Variants in ACBD6 observed in about 807,000 individuals in gnomAD.
ACBD6 encodes the protein acyl-CoA-binding domain-containing protein 6.
ACBD6 carries 28 observed loss-of-function variants against 37.2 expected under a neutral mutation model. The observed-to-expected ratio is 0.75, with a 90% confidence interval of 0.56 to 1.03. The LOEUF (loss-of-function observed/expected upper bound fraction) is 1.03. ACBD6 is among the 50% of genes least tolerant of loss of function. ACBD6 has a pLI of 0.00. For synonymous variants in ACBD6, 113 were observed against 126.8 expected (o/e 0.89, Z 0.73); for missense variants, 340 against 337.4 (o/e 1.01, Z -0.06).
chr1:180,432,229 C>A (rs1040698802), intron 3 of ACBD6, among the ~76,000 whole-genome samples: 1 of 151,706 alleles, frequency 6.6e-6, no homozygotes, highest in Non-Finnish European at 1.5e-5. Context: ...AATTTATAAT[C>A]CATGAGAGAA....
chr1:180,398,404 G>C (rs1228230912), intron 5 of ACBD6, among the ~76,000 whole-genome samples: 1 of 152,044 alleles, frequency 6.6e-6, no homozygotes, highest in Non-Finnish European at 1.5e-5. Context: ...ATTTCCTCGA[G>C]TTCATTCCTT....
exon 14 of ACBD6, chr1:180,270,149 G>GC (rs1648553057): frequency 6.6e-6 from 1 of 152,274 alleles, no homozygotes. Context: ...GAACACTGAA[G>GC]CCAGGTCTGC....
At chr1:180,332,618 T>C (rs1420661567) in intron 6 of ACBD6, among the ~76,000 whole-genome samples, 4 of 152,072 alleles carry the variant, frequency 2.6e-5, no homozygotes, top group Non-Finnish European at 5.9e-5. Flanking sequence ...CCATCACCCC[T>C]AGATGGGACC....
chr1:180,293,987 C>T (rs530363215), intron 7 of ACBD6, among the ~76,000 whole-genome samples: 38 of 152,124 alleles, frequency 2.5e-4, no homozygotes, highest in African/African-American at 8.9e-4. Context: ...CTCCGCCTCC[C>T]GGGTTCAAGT....
At chr1:180,397,455 T>G in intron 6 of ACBD6, 61 bp downstream of exon 6, 1 of 1,437,084 alleles carries the variant, frequency 7.0e-7, no homozygotes, top group Non-Finnish European at 9.8e-7. Flanking sequence ...TCTGGTAAAT[T>G]TTATGTTATG....
At chr1:180,280,313 T>C (rs1649269479) in intron 9 of ACBD6, among the ~76,000 whole-genome samples, 1 of 152,010 alleles carries the variant, frequency 6.6e-6, no homozygotes, top group Admixed American at 6.6e-5. Context: ...GTGTGGCATT[T>C]CCCTCTCCCC....
rs577669707 is a variant in ACBD6 at position 180,437,174 on chromosome 1, A to G, written c.385-6912T>C. Among the ~76,000 whole-genome samples, 5 of 152,294 alleles carry G rather than the reference A, an allele frequency of 3.3e-5. No individual in the cohort carries two copies. The South Asian group carries it at 6.2e-4, about 19-fold the overall frequency. ...ATCTGTATCCTTTGTAACATCCTTT[A>G]TAATAAACTGGCAAATGTGTTTCCC... is the stretch of plus-strand genomic sequence containing the variant. On this transcript the variant is annotated intron_variant, in intron 3 of 7. Transcript: ENST00000367595.
At chr1:180,271,685 C>T (rs541028230) in exon 14 of ACBD6, 7 of 1,312,926 alleles carry the variant, frequency 5.3e-6, no homozygotes, top group African/African-American at 1.5e-5. Flanking sequence ...CTGAGGCCCA[C>T]CTGGGGAGAG....
intron 4 of ACBD6, among the ~76,000 whole-genome samples, chr1:180,429,509 C>A (rs540202410): frequency 1.3e-5 from 2 of 152,294 alleles, no homozygotes; most frequent in East Asian, 3.9e-4. Flanking sequence ...CATCTGTCAA[C>A]AGATGCTTCC....
chr1:180,391,806 C>T (rs1654086604), intron 6 of ACBD6, among the ~76,000 whole-genome samples: 1 of 152,078 alleles, frequency 6.6e-6, no homozygotes, highest in African/African-American at 2.4e-5. Context: ...CCTAGGTATA[C>T]ACCTAAGAGG....
At chr1:180,437,748 G>A (rs1024419203) in intron 3 of ACBD6, among the ~76,000 whole-genome samples, 13 of 151,982 alleles carry the variant, frequency 8.6e-5, no homozygotes, top group African/African-American at 3.1e-4. Flanking sequence ...GGAGTATTAT[G>A]AAGAAAAAAA....
At chr1:180,493,337 G>A (rs1651599897) in intron 2 of ACBD6, among the ~76,000 whole-genome samples, 1 of 145,306 alleles carries the variant, frequency 6.9e-6, no homozygotes, top group Non-Finnish European at 1.5e-5. Flanking sequence ...CAATATAAAT[G>A]GCAAAAGCAA....
intron 6 of ACBD6, among the ~76,000 whole-genome samples, chr1:180,336,680 G>C (rs1049592653): frequency 5.3e-5 from 8 of 150,996 alleles, no homozygotes; most frequent in Admixed American, 3.3e-4. Flanking sequence ...AACTGAAGGA[G>C]ATAGAGACAC....
chr1:180,348,921 AT>A (rs1652294588), intron 6 of ACBD6, among the ~76,000 whole-genome samples: 1 of 152,120 alleles, frequency 6.6e-6, no homozygotes, highest in Admixed American at 6.5e-5. Context: ...TGCTCTTATA[AT>A]TTTTTTCTCT....
chr1:180,410,728 T>C (rs1391492448), intron 5 of ACBD6, among the ~76,000 whole-genome samples: 1 of 152,096 alleles, frequency 6.6e-6, no homozygotes, highest in African/African-American at 2.4e-5. Context: ...CATCCAAGAG[T>C]GCTCATGGAA....
intron 7 of ACBD6, among the ~76,000 whole-genome samples, chr1:180,303,688 C>G (rs1030673104): frequency 6.6e-6 from 1 of 150,820 alleles, no homozygotes; most frequent in African/African-American, 2.4e-5. Context: ...CAAGGAGGAG[C>G]TGGTACCATT....
intron 3 of ACBD6, among the ~76,000 whole-genome samples, chr1:180,436,839 T>C (rs1649056881): frequency 6.6e-6 from 1 of 151,932 alleles, no homozygotes; most frequent in African/African-American, 2.4e-5. Context: ...CTCAAAATAA[T>C]AAAGGCCATA....
intron 1 of ACBD6, among the ~76,000 whole-genome samples, chr1:180,499,148 G>A (rs998927109): frequency 6.6e-6 from 1 of 152,102 alleles, no homozygotes; most frequent in African/African-American, 2.4e-5. Context: ...TTATCTTCCT[G>A]CCAACAACCT....
exon 14 of ACBD6, chr1:180,271,908 T>C: frequency 1.2e-6 from 2 of 1,613,384 alleles, no homozygotes; most frequent in South Asian, 2.2e-5. Context: ...TGGGGGCAGT[T>C]CTATAAGAGC....
Sources: gnomAD v4.1 joint callset for allele counts (sites outside exome capture counted in the v4.1 genomes callset) on GRCh38, gnomAD v4.1.1 for gene constraint, MANE v1.5 for transcripts, NCBI Gene and HGNC (gene_info 2026-07-23, HGNC 2026-07-21) for gene names.